ZDHHC15: variants seen among roughly 807,000 people sequenced by gnomAD.
ZDHHC15 encodes palmitoyltransferase ZDHHC15.
In ZDHHC15, 19 loss-of-function variants were observed where a neutral mutation model predicts 31.7. The observed-to-expected ratio is 0.60, with a 90% CI of 0.42 to 0.88. The LOEUF (loss-of-function observed/expected upper bound fraction) is 0.88. Among genes scored for constraint, ZDHHC15 ranks in the 40% least tolerant of loss-of-function variants. The pLI, the probability that ZDHHC15 is intolerant of heterozygous loss-of-function variation, is 0.00. For synonymous variants in ZDHHC15, 103 were observed against 90.0 expected, an observed-to-expected ratio of 1.14 and a Z score of -0.82; for missense variants, 209 against 251.2, an observed-to-expected ratio of 0.83 and a Z score of 1.14.
chrX:75,407,371 T>G (rs1388836392), intron 10 of ZDHHC15, among the ~76,000 whole-genome samples: 2 of 110,359 alleles, frequency 1.8e-5, no homozygotes, highest in African/African-American at 3.3e-5. Flanking sequence ...TGTCTCCACC[T>G]GGCAGCCGCC....
chrX:75,485,168 A>G (rs760852876), intron 2 of ZDHHC15, among the ~76,000 whole-genome samples: 1 of 111,428 alleles, frequency 9.0e-6, no homozygotes, highest in Non-Finnish European at 1.9e-5. Context: ...GTCAAAACTT[A>G]TCAACCTGTA....
intron 2 of ZDHHC15, among the ~76,000 whole-genome samples, chrX:75,491,927 A>C (rs181592393): frequency 1.8e-5 from 2 of 111,835 alleles, no homozygotes; most frequent in East Asian, 5.7e-4. Flanking sequence ...ACAGGATAAA[A>C]TTCACACATA....
intron 4 of ZDHHC15, among the ~76,000 whole-genome samples, chrX:75,446,984 C>G (rs753086699): frequency 1.8e-5 from 2 of 111,155 alleles, no homozygotes; most frequent in East Asian, 5.7e-4. Context: ...ATGACCTGTT[C>G]AATGATTACC....
intron 2 of ZDHHC15, among the ~76,000 whole-genome samples, chrX:75,495,444 G>T (rs1195006084): frequency 9.0e-6 from 1 of 111,063 alleles, no homozygotes; most frequent in Non-Finnish European, 1.9e-5. Context: ...TATACCCACA[G>T]GATTATAAAT....
intron 7 of ZDHHC15, among the ~76,000 whole-genome samples, chrX:75,428,860 G>A (rs193299385): frequency 1.5e-3 from 173 of 111,955 alleles, no homozygotes; most frequent in African/African-American, 5.3e-3. Flanking sequence ...CAAGATTCTC[G>A]TGTATGACAG....
At chrX:75,454,032 T>C (rs1021800574) in intron 3 of ZDHHC15, among the ~76,000 whole-genome samples, 1 of 111,529 alleles carries the variant, frequency 9.0e-6, no homozygotes, top group Non-Finnish European at 1.9e-5. Flanking sequence ...TTGGAAGTTC[T>C]GGCCAGGGAA....
intron 2 of ZDHHC15, among the ~76,000 whole-genome samples, chrX:75,497,873 C>G (rs750946671): frequency 9.1e-6 from 1 of 109,918 alleles, no homozygotes; most frequent in East Asian, 2.8e-4. Flanking sequence ...CAACATTACA[C>G]TGAATGGGGA....
chrX:75,514,669 A>T (rs2085328321), intron 1 of ZDHHC15, among the ~76,000 whole-genome samples: 1 of 111,489 alleles, frequency 9.0e-6, no homozygotes, highest in African/African-American at 3.3e-5. Flanking sequence ...GCACCTGGAA[A>T]ATCGGGACAC....
chrX:75,457,681 A>ACC, intron 3 of ZDHHC15, among the ~76,000 whole-genome samples: 1 of 110,179 alleles, frequency 9.1e-6, no homozygotes, highest in East Asian at 2.8e-4. Context: ...ACACACACAC[A>ACC]GAGTCTCTGA....
At position 75,417,178 on chromosome X, in the gene ZDHHC15, T is replaced by C. The variant is rs2083558173; in HGVS notation, c.876A>G (p.Gly292=). The change falls in exon 10 of 12, where the codon GGA becomes GGG. Residue 292 remains glycine, a synonymous_variant. Transcript: ENST00000373367. ...LIPIGSSPGD[G]HSFPMRSMNE... is the part of the protein sequence containing the mutation. ...TCATAGACCTCATAGGGAAGGAGTGTCCATCACCAGGGCTGATGGGAAAAG... is the reference window on the plus strand; with the variant it reads ...TCATAGACCTCATAGGGAAGGAGTGCCCATCACCAGGGCTGATGGGAAAAG... The C allele has an allele frequency of 1.7e-6, 2 of 1,200,942 alleles. No individual in the cohort carries two copies. The highest frequency in any genetic ancestry group is 3.6e-5 in the South Asian group (2 of 56,087).
At chrX:75,402,829 G>A (rs2083371543) in intron 10 of ZDHHC15, among the ~76,000 whole-genome samples, 1 of 110,386 alleles carries the variant, frequency 9.1e-6, no homozygotes, top group African/African-American at 3.3e-5. Context: ...CATTCCTACC[G>A]AGACTATTCC....
chrX:75,508,186 T>G (rs187949512), intron 1 of ZDHHC15, among the ~76,000 whole-genome samples: 1 of 110,369 alleles, frequency 9.1e-6, no homozygotes, highest in Non-Finnish European at 1.9e-5. Flanking sequence ...AGGGTACATG[T>G]GCACAACATG....
At chrX:75,453,661 C>A (rs1265738085) in intron 3 of ZDHHC15, among the ~76,000 whole-genome samples, 2 of 111,286 alleles carry the variant, frequency 1.8e-5, no homozygotes, top group African/African-American at 6.5e-5. Context: ...CAAACCGAAT[C>A]CAGCAGCACA....
intron 2 of ZDHHC15, among the ~76,000 whole-genome samples, chrX:75,491,316 G>T (rs2084886239): frequency 9.1e-6 from 1 of 109,550 alleles, no homozygotes; most frequent in Admixed American, 9.8e-5. Flanking sequence ...ATGAGTTCAT[G>T]TCCTTTGTAG....
intron 7 of ZDHHC15, among the ~76,000 whole-genome samples, 200 bp downstream of exon 7, chrX:75,428,877 GT>G (rs1180486377): frequency 8.9e-6 from 1 of 111,873 alleles, no homozygotes; most frequent in Non-Finnish European, 1.9e-5. Flanking sequence ...ACAGAAACTT[GT>G]TTAACTAGAA....
At position 75,497,964 on chromosome X, in the gene ZDHHC15, G is replaced by A. The variant is rs190291904; in HGVS notation, c.163+7857C>T. On this transcript the variant is annotated intron_variant, in intron 2 of 11. Transcript: ENST00000373367. ...TTTTTTTTTTTTGAGACAGTGTTTT[G>A]CTCTTGTTGCCCAGGCTGCAGTGCA... Among the ~76,000 whole-genome samples the A allele has an allele frequency of 8.9e-3, 779 of 87,600 alleles. 11 individuals carry two copies. Among genetic ancestry groups the A allele is most frequent in the African/African-American group, 0.031 (717 of 22,867 alleles). 76.1% of individuals were successfully genotyped at this position (87,600 alleles called of 115,157 possible).
At chrX:75,383,801 C>T (rs1602542719) in intron 10 of ZDHHC15, among the ~76,000 whole-genome samples, 1 of 86,114 alleles carries the variant, frequency 1.2e-5, no homozygotes, top group East Asian at 4.0e-4. Flanking sequence ...TGCAGTGTTG[C>T]AATCTCGGCT....
chrX:75,461,251 G>T (rs1396150808), intron 3 of ZDHHC15, among the ~76,000 whole-genome samples: 1 of 111,797 alleles, frequency 8.9e-6, no homozygotes, highest in Non-Finnish European at 1.9e-5. Context: ...GGAATAAAAT[G>T]GAATGAATAA....
intron 1 of ZDHHC15, among the ~76,000 whole-genome samples, chrX:75,518,564 A>G (rs914301276): frequency 2.8e-5 from 3 of 107,645 alleles, no homozygotes; most frequent in Middle Eastern, 4.9e-3. Context: ...ACTGCGGAAG[A>G]TAGTTTGGAG....
Sources: gnomAD v4.1 joint callset for allele counts (sites outside exome capture counted in the v4.1 genomes callset) on GRCh38, gnomAD v4.1.1 for gene constraint, MANE v1.5 for transcripts, NCBI Gene and HGNC (gene_info 2026-07-23, HGNC 2026-07-21) for gene names.